Variants in TNIK observed in about 807,000 individuals in gnomAD.
TNIK encodes TRAF2 and NCK interacting kinase, also known as TRAF2 and NCK-interacting protein kinase.
A neutral mutation model predicts 191.3 loss-of-function variants in TNIK; 49 were observed. The ratio of observed to expected loss-of-function variants is 0.26; its 90% CI spans 0.20 to 0.32. The LOEUF (loss-of-function observed/expected upper bound fraction) is 0.32, where lower values mean the gene tolerates loss of function less well. Ranked by LOEUF, TNIK falls within the 10% of genes least tolerant of loss-of-function variation. The pLI is 1.00. For missense variants in TNIK, 1,155 were observed against 1,702.3 expected, an observed-to-expected ratio of 0.68 and a Z score of 5.66; for synonymous variants, 594 against 600.9, an observed-to-expected ratio of 0.99 and a Z score of 0.17.
chr3:171,308,063 T>G lies in TNIK; in HGVS notation c.123+61557A>C, dbSNP rs552227092. ...CTACCAATGACATTATTCACAGAAT[T>G]AGAAAAAACTATTATAAAATTCATA... On this transcript the variant is annotated intron_variant, in intron 2 of 32. Coordinates refer to ENST00000436636, the MANE Select transcript of TNIK (RefSeq NM_015028.4). 3.9e-5 allele frequency among the ~76,000 whole-genome samples: 6 copies of G among 152,194 alleles called. No individual in the cohort carries two copies. In the East Asian group the frequency reaches 1.2e-3, roughly 29 times the overall value.
intron 18 of TNIK, among the ~76,000 whole-genome samples, chr3:171,116,625 A>G (rs936388257): frequency 2.0e-5 from 3 of 152,264 alleles, no homozygotes; most frequent in East Asian, 1.9e-4. Flanking sequence ...GAAATGAGTC[A>G]TAAGAAAATA....
chr3:171,167,462 C>T (rs1005596031), intron 9 of TNIK, among the ~76,000 whole-genome samples, 192 bp from the exon 10 acceptor site: 18 of 152,094 alleles, frequency 1.2e-4, no homozygotes, highest in African/African-American at 1.7e-4. Context: ...TCATCATCAA[C>T]GTGCAATTGA....
intron 2 of TNIK, among the ~76,000 whole-genome samples, chr3:171,331,183 T>G (rs1756386892): frequency 6.6e-6 from 1 of 152,136 alleles, no homozygotes; most frequent in African/African-American, 2.4e-5. Flanking sequence ...CTCCTTTCAT[T>G]TCTGAGTGAA....
chr3:171,424,983 T>TA (rs11397416), intron 1 of TNIK, among the ~76,000 whole-genome samples: 103,917 of 148,670 alleles, frequency 0.7, 36,003 homozygotes, highest in Middle Eastern at 0.77. Context: ...TAAAGCATAA[T>TA]AAAAAAAAAA....
chr3:171,123,465 A>G, intron 18 of TNIK, 131 bp downstream of exon 18: 8 of 606,802 alleles, frequency 1.3e-5, no homozygotes, highest in Non-Finnish European at 1.6e-5. Flanking sequence ...TGGACCATCA[A>G]CGTTTATAGT....
intron 18 of TNIK, among the ~76,000 whole-genome samples, chr3:171,119,184 T>C (rs941116301): frequency 6.6e-6 from 1 of 152,144 alleles, no homozygotes; most frequent in Middle Eastern, 3.4e-3. Flanking sequence ...AAAAGACACA[T>C]GAAAAAATGC....
intron 4 of TNIK, among the ~76,000 whole-genome samples, chr3:171,207,482 G>A (rs369695769): frequency 1.3e-4 from 19 of 151,866 alleles, no homozygotes; most frequent in Non-Finnish European, 2.4e-4. Flanking sequence ...TAATAGACAT[G>A]AGCCACCATG....
intron 2 of TNIK, among the ~76,000 whole-genome samples, chr3:171,365,587 T>C (rs1715626708): frequency 6.6e-6 from 1 of 152,174 alleles, no homozygotes; most frequent in Non-Finnish European, 1.5e-5. Context: ...AGGCAGGATC[T>C]CAGCACAATG....
chr3:171,368,360 C>G (rs1225282859), intron 2 of TNIK, among the ~76,000 whole-genome samples: 2 of 152,176 alleles, frequency 1.3e-5, no homozygotes, highest in Non-Finnish European at 2.9e-5. Context: ...AGTTACTTCA[C>G]AAGTTCAATC....
rs575280800 is a variant in TNIK at position 171,135,037 on chromosome 3, A to G, written c.1608+3154T>C. On this transcript the variant is annotated intron_variant, in intron 15 of 32. Transcript: ENST00000436636. ...CCTTCAGTGGCACATGGGGCAAAAT[A>G]GTCCAGACCCTACACAACAGGAGAC... Among the ~76,000 whole-genome samples, 4 of 152,366 alleles carry G rather than the reference A, an allele frequency of 2.6e-5. No homozygotes were observed. The South Asian group carries it at 8.3e-4, about 32-fold the overall frequency.
chr3:171,108,708 G>A (rs962757297), intron 19 of TNIK, among the ~76,000 whole-genome samples: 6 of 152,016 alleles, frequency 3.9e-5, no homozygotes, highest in African/African-American at 1.4e-4. Context: ...ATTTTGTGAG[G>A]GAAAAAAAAT....
intron 4 of TNIK, among the ~76,000 whole-genome samples, chr3:171,210,828 A>C (rs146528564): frequency 1.0e-4 from 15 of 149,256 alleles, no homozygotes; most frequent in African/African-American, 3.2e-4. Context: ...AAAATAAAAC[A>C]CAATAAAAGG....
chr3:171,262,866 G>A (rs995134715), intron 2 of TNIK, among the ~76,000 whole-genome samples: 10 of 152,158 alleles, frequency 6.6e-5, no homozygotes, highest in African/African-American at 2.4e-4. Flanking sequence ...TTTAAGGGGT[G>A]GTTGTGACCT....
chr3:171,412,121 T>C (rs1161447310), intron 1 of TNIK, among the ~76,000 whole-genome samples: 2 of 152,194 alleles, frequency 1.3e-5, no homozygotes, highest in African/African-American at 4.8e-5. Context: ...GCCAGTCTAA[T>C]AACCCTTTCT....
intron 2 of TNIK, among the ~76,000 whole-genome samples, chr3:171,229,848 C>T (rs903121041): frequency 1.3e-5 from 2 of 152,148 alleles, no homozygotes; most frequent in Non-Finnish European, 2.9e-5. Flanking sequence ...GACACAGCCC[C>T]TCACACTTAT....
rs1044265280 is a variant in TNIK at position 171,152,769 on chromosome 3, G to T, written c.1221+4691C>A. Among the ~76,000 whole-genome samples the T allele has an allele frequency of 7.9e-5, 7 of 88,882 alleles. No homozygotes were observed. In the East Asian group the frequency reaches 1.2e-3, roughly 16 times the overall value. 58.3% of individuals were successfully genotyped at this position (88,882 alleles called of 152,430 possible). ...ACAAAAACTATGTGTTTTGTTTTTTGTTTTTTGTTTTTTTTTTTTTGAGAC... is the reference window on the plus strand; with the variant it reads ...ACAAAAACTATGTGTTTTGTTTTTTTTTTTTTGTTTTTTTTTTTTTGAGAC... On this transcript the variant is annotated intron_variant, in intron 12 of 32. Transcript: ENST00000436636.
intron 1 of TNIK, among the ~76,000 whole-genome samples, chr3:171,444,841 A>G (rs1469809419): frequency 6.6e-6 from 1 of 152,182 alleles, no homozygotes; most frequent in Non-Finnish European, 1.5e-5. Context: ...ATTTTCAGGC[A>G]TACCCAAATT....
At chr3:171,419,678 C>T (rs1306567343) in intron 1 of TNIK, among the ~76,000 whole-genome samples, 1 of 152,120 alleles carries the variant, frequency 6.6e-6, no homozygotes, top group Non-Finnish European at 1.5e-5. Context: ...TACTCTGTGA[C>T]GTGGGGAGAG....
At chr3:171,080,270 G>A (rs1720501043) in intron 27 of TNIK, among the ~76,000 whole-genome samples, 1 of 152,162 alleles carries the variant, frequency 6.6e-6, no homozygotes. Context: ...ATATTGAAGA[G>A]TACACAAGTA....
Sources: allele counts gnomAD v4.1 joint callset (sites outside exome capture counted in the v4.1 genomes callset), GRCh38; gene constraint gnomAD v4.1.1; transcripts MANE v1.5; gene names NCBI Gene and HGNC (gene_info 2026-07-23, HGNC 2026-07-21).